PPP2R3C: variants seen among roughly 807,000 people sequenced by gnomAD.
The protein encoded by PPP2R3C is protein phosphatase 2 regulatory subunit B''gamma, also known as serine/threonine-protein phosphatase 2A regulatory subunit B'' subunit gamma.
Under a neutral mutation model 63.7 loss-of-function variants are expected in PPP2R3C, and 47 were observed. The ratio of observed to expected loss-of-function variants is 0.74; its 90% CI spans 0.58 to 0.94. The LOEUF is 0.94. Ranked by LOEUF, PPP2R3C falls within the 40% of genes least tolerant of loss-of-function variation. The probability of loss-of-function intolerance (pLI) is 0.00; values close to 1 mark genes in which losing one functional copy is unlikely to be tolerated. For missense variants in PPP2R3C, 421 were observed against 518.4 expected (o/e 0.81, Z 1.82); for synonymous variants, 180 against 177.4 (o/e 1.01, Z -0.12).
chr14:35,105,212 C>T (rs766020874), intron 6 of PPP2R3C, among the ~76,000 whole-genome samples: 19 of 150,540 alleles, frequency 1.3e-4, no homozygotes, highest in Non-Finnish European at 2.5e-4. Flanking sequence ...TGAGACAGTC[C>T]GCTCTTGTCA....
chr14:35,121,790 T>G, intron 1 of PPP2R3C, 112 bp downstream of exon 1: 1 of 1,218,004 alleles, frequency 8.2e-7, no homozygotes, highest in Admixed American at 2.1e-5. Context: ...TGTCGGGAGG[T>G]TTCACAGAAG....
chr14:35,116,482 TG>T, intron 2 of PPP2R3C, 127 bp downstream of exon 2: 1 of 629,218 alleles, frequency 1.6e-6, no homozygotes, highest in Non-Finnish European at 2.4e-6. Flanking sequence ...CTCAAATTCC[TG>T]GACTCAAGTG....
rs1185241172 is a variant in PPP2R3C at position 35,091,144 on chromosome 14, G to A, written c.1039C>T (p.Gln347Ter). ...LENRKEPAAL[Q>*]YIFKLLDIEN... ...ATATCAAGCAGTTTGAAAATATATT[G>A]TAGAGCTGCAGGTTCCTTTCTGTTT... Residue 347 changes from glutamine to a stop codon, truncating the protein, a stop_gained, in exon 11 of 13, where the codon CAA becomes TAA. Transcript: ENST00000261475. LOFTEE classifies it high-confidence loss of function. 1 of 1,608,542 alleles carries A rather than the reference G, an allele frequency of 6.2e-7. No individual in the cohort carries two copies. Among genetic ancestry groups the A allele is most frequent in the Non-Finnish European group, 8.5e-7 (1 of 1,176,152 alleles).
chr14:35,096,365 G>A (rs1331346845), intron 9 of PPP2R3C, among the ~76,000 whole-genome samples, 193 bp downstream of exon 9: 1 of 152,072 alleles, frequency 6.6e-6, no homozygotes, highest in African/African-American at 2.4e-5. Flanking sequence ...AAAAAGAAAA[G>A]GTTGGGGGGA....
chr14:35,104,938 T>C (rs1471305540), intron 6 of PPP2R3C, among the ~76,000 whole-genome samples: 1 of 151,954 alleles, frequency 6.6e-6, no homozygotes. Context: ...TTCACCATGT[T>C]GATCAGGCTG....
At chr14:35,097,218 C>T (rs534279521) in intron 7 of PPP2R3C, among the ~76,000 whole-genome samples, 5 of 150,192 alleles carry the variant, frequency 3.3e-5, no homozygotes, top group African/African-American at 1.2e-4. Flanking sequence ...TCCATCCCCA[C>T]CCTGCAAAAA....
chr14:35,104,363 T>C (rs904259313), intron 6 of PPP2R3C, among the ~76,000 whole-genome samples: 3 of 152,196 alleles, frequency 2.0e-5, no homozygotes, highest in South Asian at 2.1e-4. Context: ...CAAAACAGAA[T>C]GCAACAAATT....
chr14:35,118,186 C>A (rs2046761762), intron 1 of PPP2R3C, among the ~76,000 whole-genome samples: 1 of 152,138 alleles, frequency 6.6e-6, no homozygotes, highest in African/African-American at 2.4e-5. Flanking sequence ...ATTTAACCAA[C>A]AACTGTTTTA....
intron 11 of PPP2R3C, 142 bp from the exon 12 acceptor site, chr14:35,088,152 C>T: frequency 1.4e-6 from 1 of 694,286 alleles, no homozygotes; most frequent in Non-Finnish European, 2.6e-6. Context: ...ATCTTCTTAG[C>T]TTTCTTGACC....
intron 2 of PPP2R3C, among the ~76,000 whole-genome samples, chr14:35,111,837 C>T (rs550137433): frequency 1.0e-3 from 152 of 152,248 alleles, no homozygotes; most frequent in African/African-American, 3.3e-3. Context: ...TCAGCAGTAC[C>T]CATTCCCTAG....
intron 10 of PPP2R3C, 94 bp from the exon 11 acceptor site, chr14:35,091,301 G>T: frequency 8.1e-7 from 1 of 1,229,270 alleles, no homozygotes; most frequent in Non-Finnish European, 1.1e-6. Flanking sequence ...GCAATCAAAG[G>T]TGGCAAATTT....
chr14:35,121,505 G>C (rs1256268867), intron 1 of PPP2R3C, among the ~76,000 whole-genome samples: 1 of 152,174 alleles, frequency 6.6e-6, no homozygotes, highest in Non-Finnish European at 1.5e-5. Flanking sequence ...GCAATGTGAA[G>C]GAGAAAAATA....
Position 35,104,220 on chromosome 14 carries a change from C to T in PPP2R3C, c.573+3084G>A, listed in dbSNP as rs183106566. 8.8e-3 allele frequency among the ~76,000 whole-genome samples: 886 copies of T among 101,176 alleles called. 12 individuals carry two copies. The highest frequency in any genetic ancestry group is 0.057 in the Middle Eastern group (9 of 158). The allele number at this position is 101,176 out of a possible 152,430, so 66.4% of individuals were successfully genotyped here. On this transcript the variant is annotated intron_variant, in intron 6 of 12. Transcript: ENST00000261475. ...ACCAGCAGGTGGCTAATTATGTCTT[C>T]CTTGCCAGAAGCAAGAGCCTTTTAT...
intron 4 of PPP2R3C, among the ~76,000 whole-genome samples, 185 bp from the exon 5 acceptor site, chr14:35,108,421 T>G (rs894614844): frequency 6.6e-6 from 1 of 151,724 alleles, no homozygotes; most frequent in Non-Finnish European, 1.5e-5. Context: ...AAATGGAGAT[T>G]TGGCCAGGCG....
chr14:35,087,985 T>C lies in PPP2R3C; in HGVS notation c.1139A>G (p.His380Arg), dbSNP rs2045664261. 2 of 1,600,480 alleles carry C rather than the reference T, an allele frequency of 1.2e-6. No homozygotes were observed. Among genetic ancestry groups the C allele is most frequent in the South Asian group, 1.1e-5 (1 of 90,756 alleles). ...TTGAAATGAAACAGGATCTTGTCCA[T>C]GGATTTTCATTAGTTCCTGTATGGC... Reference protein sequence around the residue: ...FRAIQELMKIHGQDPVSFQDV... With the variant: ...FRAIQELMKIRGQDPVSFQDV... The change falls in exon 12 of 13, where the codon CAT becomes CGT. Residue 380 changes from histidine (H) to arginine (R), a missense_variant. This residue lies in a region of PPP2R3C where 231 missense variants were observed against 264.8 expected (regional missense o/e 0.87). Coordinates refer to ENST00000261475, the MANE Select transcript of PPP2R3C (RefSeq NM_017917.4).
chr14:35,089,855 A>AC (rs11413424), intron 11 of PPP2R3C, among the ~76,000 whole-genome samples: 45,445 of 116,336 alleles, frequency 0.39, 7,822 homozygotes, highest in Middle Eastern at 0.51. Flanking sequence ...TTTAGTAGAG[A>AC]TGGGTTTCAC....
At chr14:35,115,518 A>G (rs978009789) in intron 2 of PPP2R3C, among the ~76,000 whole-genome samples, 1 of 150,344 alleles carries the variant, frequency 6.7e-6, no homozygotes, top group South Asian at 2.1e-4. Context: ...GAGTGCAGTG[A>G]CCCTACCATG....
intron 2 of PPP2R3C, among the ~76,000 whole-genome samples, chr14:35,114,750 T>G (rs2046659044): frequency 6.6e-6 from 1 of 151,966 alleles, no homozygotes; most frequent in Non-Finnish European, 1.5e-5. Flanking sequence ...CCCAGCACTT[T>G]GGGAGGCCGA....
At chr14:35,089,857 G>GA (rs911066089) in intron 11 of PPP2R3C, among the ~76,000 whole-genome samples, 3 of 47,306 alleles carry the variant, frequency 6.3e-5, no homozygotes, top group African/African-American at 5.0e-4. Context: ...TAGTAGAGAT[G>GA]GGTTTCACCA....
Sources: allele counts gnomAD v4.1 joint callset (sites outside exome capture counted in the v4.1 genomes callset), GRCh38; gene constraint gnomAD v4.1.1; regional missense constraint gnomAD v4.1.1; transcripts MANE v1.5; gene names NCBI Gene and HGNC (gene_info 2026-07-23, HGNC 2026-07-21).